SLIT3: variants seen among roughly 807,000 people sequenced by gnomAD.
The protein encoded by SLIT3 is slit homolog 3 protein.
A neutral mutation model predicts 184.0 loss-of-function variants in SLIT3; 68 were observed. The observed-to-expected ratio is 0.37, with a 90% confidence interval of 0.30 to 0.45. The LOEUF is 0.45. Among genes scored for constraint, SLIT3 ranks in the 20% least tolerant of loss-of-function variants. The pLI is 1.00. For missense variants in SLIT3, 1,707 were observed against 2,026.0 expected (o/e 0.84, Z 3.02); for synonymous variants, 831 against 828.6 (o/e 1.00, Z -0.05).
intron 30 of SLIT3, among the ~76,000 whole-genome samples, chr5:168,686,310 G>T (rs1215179936): frequency 6.6e-6 from 1 of 152,140 alleles, no homozygotes; most frequent in African/African-American, 2.4e-5. Flanking sequence ...TTGCCTGGGG[G>T]TGATTTCTTA....
chr5:168,679,730 C>G (rs74514996), intron 32 of SLIT3, among the ~76,000 whole-genome samples: 21 of 152,298 alleles, frequency 1.4e-4, no homozygotes, highest in African/African-American at 4.8e-4. Flanking sequence ...CAACCCCCTA[C>G]TCCTGTAGCA....
chr5:168,842,469 GTTTTT>G (rs778998998), intron 6 of SLIT3, among the ~76,000 whole-genome samples: 2 of 88,100 alleles, frequency 2.3e-5, no homozygotes, highest in African/African-American at 9.6e-5. Flanking sequence ...CCGTTTTTTC[GTTTTT>G]TTTTTTTTTT....
At chr5:168,957,908 T>C (rs1286402268) in intron 4 of SLIT3, among the ~76,000 whole-genome samples, 1 of 152,174 alleles carries the variant, frequency 6.6e-6, no homozygotes, top group Non-Finnish European at 1.5e-5. Context: ...GGGGGTTCTA[T>C]AAAACAACCC....
intron 3 of SLIT3, among the ~76,000 whole-genome samples, chr5:169,197,236 T>C (rs1431057521): frequency 6.6e-6 from 1 of 152,148 alleles, no homozygotes; most frequent in Non-Finnish European, 1.5e-5. Context: ...CTGGGACAGA[T>C]GGGTGGGGCT....
intron 1 of SLIT3, among the ~76,000 whole-genome samples, chr5:169,291,162 A>G (rs1767353019): frequency 6.6e-6 from 1 of 152,162 alleles, no homozygotes; most frequent in Non-Finnish European, 1.5e-5. Context: ...GATACATCTT[A>G]TGTACATCCT....
intron 4 of SLIT3, among the ~76,000 whole-genome samples, chr5:169,095,025 AG>A (rs1245240303): frequency 6.6e-6 from 1 of 152,200 alleles, no homozygotes; most frequent in East Asian, 1.9e-4. Flanking sequence ...GACCAGGAGG[AG>A]GACACGAAAT....
At chr5:169,282,716 G>C (rs925674018) in intron 1 of SLIT3, among the ~76,000 whole-genome samples, 2 of 152,184 alleles carry the variant, frequency 1.3e-5, no homozygotes, top group African/African-American at 4.8e-5. Context: ...AACAGCAAGC[G>C]ATTCTGGTTC....
chr5:169,281,250 G>A (rs1380632608), intron 1 of SLIT3, among the ~76,000 whole-genome samples: 5 of 152,312 alleles, frequency 3.3e-5, no homozygotes, highest in South Asian at 2.1e-4. Flanking sequence ...AGGCCAAGGT[G>A]GGCGGATCAT....
intron 32 of SLIT3, among the ~76,000 whole-genome samples, chr5:168,680,774 G>C (rs1430387710): frequency 6.6e-6 from 1 of 152,158 alleles, no homozygotes; most frequent in Non-Finnish European, 1.5e-5. Flanking sequence ...CTTCCTCGCT[G>C]CTCAGCCTGA....
At chr5:168,860,802 T>C (rs534926894) in intron 5 of SLIT3, among the ~76,000 whole-genome samples, 1 of 152,174 alleles carries the variant, frequency 6.6e-6, no homozygotes, top group African/African-American at 2.4e-5. Flanking sequence ...TTAAGCTGTT[T>C]CCCCTGCCCT....
chr5:169,289,104 G>A (rs1767255893), intron 1 of SLIT3, among the ~76,000 whole-genome samples: 1 of 152,190 alleles, frequency 6.6e-6, no homozygotes, highest in Non-Finnish European at 1.5e-5. Flanking sequence ...CCATTCCAAA[G>A]GTTATAGATG....
chr5:168,755,392 T>TATTTCTTTCTTTCTTTCTTC (rs1561913217), intron 16 of SLIT3, among the ~76,000 whole-genome samples: 1 of 8,504 alleles, frequency 1.2e-4, no homozygotes, highest in Non-Finnish European at 2.1e-4. Context: ...TGCCGCCATT[T>TATTTCTTTCTTTCTTTCTTC]CTTTCTTTCT....
At chr5:169,260,967 T>C (rs1766150836) in intron 1 of SLIT3, among the ~76,000 whole-genome samples, 1 of 152,252 alleles carries the variant, frequency 6.6e-6, no homozygotes, top group South Asian at 2.1e-4. Flanking sequence ...AGTCATGTTT[T>C]CTATCACAAC....
In SLIT3 at chr5:168,762,692, G is replaced by T. The variant is rs767688267; in HGVS notation, c.1460-3C>A. On this transcript the variant is annotated splice_polypyrimidine_tract_variant and splice_region_variant and intron_variant, in intron 14 of 35. Coordinates refer to ENST00000519560, the MANE Select transcript of SLIT3 (RefSeq NM_003062.4). The stretch of plus-strand genomic sequence containing the variant: ...CCTGCTGCGGTAATCCTCGGAGCCT[G>T]GGAGGGGCCAAAGAGGGGACGTCAG... The T allele has an allele frequency of 2.7e-5, 43 of 1,612,698 alleles. No homozygotes were observed. The highest frequency in any genetic ancestry group is 3.6e-5 in the Non-Finnish European group (42 of 1,179,298).
At position 169,248,399 on chromosome 5, in the gene SLIT3, A is replaced by C. The variant is rs947252127; in HGVS notation, c.269+2989T>G. Among the ~76,000 whole-genome samples the C allele has an allele frequency of 2.6e-5, 4 of 152,174 alleles. 1 individual carries two copies. The South Asian group carries it at 8.3e-4, about 31-fold the overall frequency. On this transcript the variant is annotated intron_variant, in intron 2 of 35. Coordinates refer to ENST00000519560, the MANE Select transcript of SLIT3 (RefSeq NM_003062.4). Reference sequence around the variant, plus strand: ...CAATCAGAGGCTCAACAAATCATCGATATTTGATGAATAAATGGATCAGTG... The same window carrying C: ...CAATCAGAGGCTCAACAAATCATCGCTATTTGATGAATAAATGGATCAGTG...
intron 3 of SLIT3, among the ~76,000 whole-genome samples, chr5:169,231,763 T>C (rs1160731192): frequency 6.6e-6 from 1 of 152,168 alleles, no homozygotes; most frequent in Non-Finnish European, 1.5e-5. Context: ...TATTCGAGAG[T>C]AACTGTATCA....
intron 32 of SLIT3, among the ~76,000 whole-genome samples, chr5:168,674,367 G>A (rs1761344410): frequency 6.6e-6 from 1 of 152,060 alleles, no homozygotes; most frequent in Admixed American, 6.6e-5. Context: ...CCCACATGAT[G>A]CTTGAAGGAA....
chr5:169,136,356 A>C (rs566877237), intron 4 of SLIT3, among the ~76,000 whole-genome samples: 27 of 152,304 alleles, frequency 1.8e-4, no homozygotes, highest in Non-Finnish European at 3.5e-4. Flanking sequence ...GGTGTTTCCC[A>C]ACATCTCCCA....
chr5:169,259,576 C>A (rs1766093749), intron 1 of SLIT3, among the ~76,000 whole-genome samples: 1 of 152,138 alleles, frequency 6.6e-6, no homozygotes, highest in Non-Finnish European at 1.5e-5. Flanking sequence ...CAGAATACTG[C>A]CTTCTGGGTT....
Sources: gnomAD v4.1 joint callset for allele counts (sites outside exome capture counted in the v4.1 genomes callset) on GRCh38, gnomAD v4.1.1 for gene constraint, MANE v1.5 for transcripts, NCBI Gene and HGNC (gene_info 2026-07-23, HGNC 2026-07-21) for gene names.